Variants in ANO6 observed in about 807,000 individuals in gnomAD.
The protein encoded by ANO6 is anoctamin 6, also known as anoctamin-6.
A neutral mutation model predicts 117.5 loss-of-function variants in ANO6; 106 were observed. The ratio of observed to expected loss-of-function variants is 0.90; its 90% confidence interval spans 0.77 to 1.06. The LOEUF is 1.06. Ranked by LOEUF, ANO6 falls within the 50% of genes least tolerant of loss-of-function variation. ANO6 has a pLI of 0.00. For missense variants in ANO6, 955 were observed against 1,121.1 expected, an observed-to-expected ratio of 0.85 and a Z score of 2.12; for synonymous variants, 367 against 385.1, an observed-to-expected ratio of 0.95 and a Z score of 0.55.
rs546662602 is a variant in ANO6 at position 45,331,641 on chromosome 12, A to G, written c.279+218A>G. 2.3e-4 allele frequency among the ~76,000 whole-genome samples: 35 copies of G among 152,230 alleles called. 1 individual carries two copies. The highest frequency in any genetic ancestry group is 8.4e-4 in the African/African-American group (35 of 41,560). ...CAGGCTCTTAACCTCATTTGGTTTC[A>G]CAGCTGAAAGCAGACTTTCTTTCAA... On this transcript the variant is annotated intron_variant, in intron 3 of 19. Transcript: ENST00000320560.
At chr12:45,237,882 C>G (rs370407121) in intron 1 of ANO6, among the ~76,000 whole-genome samples, 13 of 152,070 alleles carry the variant, frequency 8.5e-5, no homozygotes, top group African/African-American at 3.1e-4. Context: ...CATTTGTTTG[C>G]GTCCTCTTTT....
At chr12:45,375,622 T>C (rs1941988325) in intron 9 of ANO6, among the ~76,000 whole-genome samples, 1 of 152,150 alleles carries the variant, frequency 6.6e-6, no homozygotes, top group Admixed American at 6.5e-5. Flanking sequence ...CCCTATTTAA[T>C]AAATGGTGCT....
At chr12:45,243,794 C>T (rs1200351479) in intron 1 of ANO6, among the ~76,000 whole-genome samples, 1 of 152,174 alleles carries the variant, frequency 6.6e-6, no homozygotes, top group African/African-American at 2.4e-5. Context: ...AGGTGATCTG[C>T]CCGCCTCAGC....
At chr12:45,355,605 G>A (rs1313900584) in intron 7 of ANO6, among the ~76,000 whole-genome samples, 1 of 152,182 alleles carries the variant, frequency 6.6e-6, no homozygotes, top group Non-Finnish European at 1.5e-5. Context: ...CTCCCGGGCT[G>A]TATCCTGAAC....
chr12:45,226,554 AC>A (rs1947485008), intron 1 of ANO6, among the ~76,000 whole-genome samples: 1 of 152,174 alleles, frequency 6.6e-6, no homozygotes, highest in African/African-American at 2.4e-5. Flanking sequence ...TATGCAAATT[AC>A]AGGCTTATTT....
chr12:45,419,994 A>T (rs964559508), intron 17 of ANO6, among the ~76,000 whole-genome samples: 10 of 151,442 alleles, frequency 6.6e-5, no homozygotes, highest in Non-Finnish European at 1.5e-4. Context: ...AGACTTAGAT[A>T]CTAGATCAGA....
In ANO6 at chr12:45,348,572, T is replaced by G; in HGVS notation, c.688T>G (p.Phe230Val). Residue 230 changes from phenylalanine (F) to valine (V), a missense_variant, in exon 6 of 20, where the codon TTT (phenylalanine) becomes GTT (valine). Phe to Val is a conservative substitution (Grantham distance 50, BLOSUM62 -1). Coordinates refer to ENST00000320560, the MANE Select transcript of ANO6 (RefSeq NM_001025356.3). Reference protein sequence around the residue: ...KYQVINNVSKFGINRLVNSGI... With the variant: ...KYQVINNVSKVGINRLVNSGI... ...TCAAGTGATAAACAATGTTAGCAAGTTTGGGATCAACAGACTTGTAAACTC... is the reference window on the plus strand; with the variant it reads ...TCAAGTGATAAACAATGTTAGCAAGGTTGGGATCAACAGACTTGTAAACTC... 1 of 1,614,020 alleles carries G rather than the reference T, an allele frequency of 6.2e-7. No individual in the cohort carries two copies. The highest frequency in any genetic ancestry group is 8.5e-7 in the Non-Finnish European group (1 of 1,179,956).
chr12:45,438,878 G>A (rs1305356225), intron 19 of ANO6, among the ~76,000 whole-genome samples: 1 of 152,020 alleles, frequency 6.6e-6, no homozygotes, highest in Non-Finnish European at 1.5e-5. Context: ...TTCAAACAGG[G>A]AATATTGTGT....
In ANO6 at chr12:45,409,499, G is replaced by T. The variant is rs1376428638; in HGVS notation, c.2011+12G>T. ...ATATCTTGAAATGAGTAAGTTGTTAGTGAAGTTTTTAGTGATATAAAACAT... is the reference window on the plus strand; with the variant it reads ...ATATCTTGAAATGAGTAAGTTGTTATTGAAGTTTTTAGTGATATAAAACAT... On this transcript the variant is annotated intron_variant, in intron 16 of 19. Transcript: ENST00000320560. 1.9e-6 allele frequency: 3 copies of T among 1,612,304 alleles called. No homozygotes were observed. The highest frequency in any genetic ancestry group is 2.2e-5 in the South Asian group (2 of 91,030).
At chr12:45,224,988 T>C (rs1024473176) in intron 1 of ANO6, among the ~76,000 whole-genome samples, 1 of 152,144 alleles carries the variant, frequency 6.6e-6, no homozygotes, top group Non-Finnish European at 1.5e-5. Context: ...CGAAAGAGTT[T>C]GAAACCAGCC....
chr12:45,432,938 TAGTC>T (rs1943664208), downstream of ANO6, among the ~76,000 whole-genome samples: 1 of 152,170 alleles, frequency 6.6e-6, no homozygotes, highest in Admixed American at 6.5e-5. Flanking sequence ...CTATCTGCAA[TAGTC>T]AGCCCAGAGA....
intron 8 of ANO6, among the ~76,000 whole-genome samples, chr12:45,358,802 G>A (rs1230706744): frequency 6.8e-6 from 1 of 147,464 alleles, no homozygotes; most frequent in South Asian, 2.1e-4. Flanking sequence ...TTTTTTGGTG[G>A]TGGGGGCAGT....
At chr12:45,358,584 A>G (rs1941472688) in intron 8 of ANO6, among the ~76,000 whole-genome samples, 1 of 152,208 alleles carries the variant, frequency 6.6e-6, no homozygotes, top group South Asian at 2.1e-4. Context: ...CATGATAGTT[A>G]CACCACATAT....
chr12:45,438,570 G>C (rs1943734457), intron 19 of ANO6, among the ~76,000 whole-genome samples: 1 of 151,998 alleles, frequency 6.6e-6, no homozygotes, highest in South Asian at 2.1e-4. Context: ...TTACCTTCAG[G>C]CTATGTGTAT....
chr12:45,374,643 A>G (rs866476688), intron 9 of ANO6, among the ~76,000 whole-genome samples: 2,908 of 124,658 alleles, frequency 0.023, 108 homozygotes, highest in African/African-American at 0.087. Flanking sequence ...GCCTTTGACA[A>G]AATTCAACAA....
chr12:45,258,424 G>A (rs556154736), intron 1 of ANO6, among the ~76,000 whole-genome samples: 1 of 151,068 alleles, frequency 6.6e-6, no homozygotes, highest in South Asian at 2.1e-4. Context: ...CAATAATCAT[G>A]TTACTTTTCT....
chr12:45,379,146 G>C (rs982665934), intron 10 of ANO6, among the ~76,000 whole-genome samples: 1 of 152,180 alleles, frequency 6.6e-6, no homozygotes, highest in African/African-American at 2.4e-5. Context: ...TAGGAAGGCA[G>C]AGGAAAAAAC....
At chr12:45,368,537 C>T (rs973812601) in intron 9 of ANO6, among the ~76,000 whole-genome samples, 2 of 152,114 alleles carry the variant, frequency 1.3e-5, no homozygotes, top group Non-Finnish European at 2.9e-5. Flanking sequence ...TGCAGATGGT[C>T]GTGAGCTTTA....
At chr12:45,276,167 A>G (rs531647486) in intron 1 of ANO6, among the ~76,000 whole-genome samples, 54 of 152,164 alleles carry the variant, frequency 3.5e-4, no homozygotes, top group South Asian at 1.9e-3. Flanking sequence ...TTTCTCTTCT[A>G]TTGTCCTTCC....
Sources: allele counts gnomAD v4.1 joint callset (sites outside exome capture counted in the v4.1 genomes callset), GRCh38; gene constraint gnomAD v4.1.1; transcripts MANE v1.5; gene names NCBI Gene and HGNC (gene_info 2026-07-23, HGNC 2026-07-21).